Variants in SLC20A2 observed in about 807,000 individuals in gnomAD.
SLC20A2 encodes the protein solute carrier family 20 member 2.
A neutral mutation model predicts 61.0 loss-of-function variants in SLC20A2; 30 were observed. The observed-to-expected ratio is 0.49, with a 90% CI of 0.37 to 0.67. The LOEUF (loss-of-function observed/expected upper bound fraction) is 0.67. SLC20A2 is among the 30% of genes least tolerant of loss of function. The pLI, the probability that SLC20A2 is intolerant of heterozygous loss-of-function variation, is 0.00. For missense variants in SLC20A2, 626 were observed against 866.4 expected (o/e 0.72, Z 3.48); for synonymous variants, 351 against 353.3 (o/e 0.99, Z 0.07).
chr8:42,477,077 A>G (rs907628632), intron 1 of SLC20A2, among the ~76,000 whole-genome samples: 16 of 152,230 alleles, frequency 1.1e-4, no homozygotes, highest in African/African-American at 3.9e-4. Flanking sequence ...GTCGGAAAGC[A>G]TAAGGCCCCG....
At chr8:42,539,123 T>C (rs746367933) in intron 1 of SLC20A2, among the ~76,000 whole-genome samples, 3 of 152,218 alleles carry the variant, frequency 2.0e-5, no homozygotes, top group Non-Finnish European at 4.4e-5. Context: ...AAAATGCCTT[T>C]AAGTAAAGAA....
chr8:42,480,769 C>T (rs1454720813), intron 1 of SLC20A2, among the ~76,000 whole-genome samples: 1 of 152,176 alleles, frequency 6.6e-6, no homozygotes, highest in African/African-American at 2.4e-5. Flanking sequence ...AAGCAATCCT[C>T]CTACCTCAGC....
intron 8 of SLC20A2, among the ~76,000 whole-genome samples, chr8:42,431,396 G>A (rs1803860142): frequency 6.6e-6 from 1 of 152,256 alleles, no homozygotes; most frequent in South Asian, 2.1e-4. Context: ...TGAAGGCTGA[G>A]AGAAGTCAGG....
intron 1 of SLC20A2, among the ~76,000 whole-genome samples, chr8:42,528,669 T>C (rs141200978): frequency 5.9e-4 from 90 of 152,058 alleles, no homozygotes; most frequent in Non-Finnish European, 1.1e-3. Context: ...TCCTATTTTA[T>C]TTTTTTAATT....
At chr8:42,450,511 G>A (rs1227299607) in intron 5 of SLC20A2, among the ~76,000 whole-genome samples, 3 of 151,824 alleles carry the variant, frequency 2.0e-5, no homozygotes, top group African/African-American at 7.3e-5. Context: ...TTACAGGCAT[G>A]AGCCACTGCG....
intron 1 of SLC20A2, among the ~76,000 whole-genome samples, chr8:42,486,100 T>G (rs936287280): frequency 6.6e-6 from 1 of 152,056 alleles, no homozygotes. Context: ...TATTGTCTTT[T>G]ATCATTAACT....
chr8:42,428,672 C>G, intron 10 of SLC20A2, 86 bp downstream of exon 10: 1 of 1,171,532 alleles, frequency 8.5e-7, no homozygotes, highest in Non-Finnish European at 1.2e-6. Context: ...ATCTACAGAG[C>G]CCTACAGCTT....
intron 5 of SLC20A2, among the ~76,000 whole-genome samples, chr8:42,450,991 C>A (rs1336275769): frequency 6.6e-6 from 1 of 152,228 alleles, no homozygotes; most frequent in African/African-American, 2.4e-5. Flanking sequence ...TTTCTGGCTT[C>A]TCCACAGCCT....
intron 5 of SLC20A2, among the ~76,000 whole-genome samples, chr8:42,451,511 TGAG>T (rs1419765721): frequency 1.6e-3 from 160 of 101,364 alleles, no homozygotes; most frequent in South Asian, 6.0e-4. Context: ...AAGGAAGAGA[TGAG>T]GAGGAGGAGA....
intron 1 of SLC20A2, among the ~76,000 whole-genome samples, chr8:42,528,895 G>A (rs572056416): frequency 1.3e-5 from 2 of 152,024 alleles, no homozygotes; most frequent in East Asian, 3.9e-4. Flanking sequence ...TCGAACTCCT[G>A]ATCTCGGGTG....
At chr8:42,506,424 G>A (rs1361372867) in intron 1 of SLC20A2, among the ~76,000 whole-genome samples, 1 of 152,192 alleles carries the variant, frequency 6.6e-6, no homozygotes, top group Non-Finnish European at 1.5e-5. Flanking sequence ...GAAGTGAGAT[G>A]TATCTAGCAC....
chr8:42,512,805 A>AG (rs1251834737), intron 1 of SLC20A2, among the ~76,000 whole-genome samples: 2 of 152,268 alleles, frequency 1.3e-5, no homozygotes, highest in African/African-American at 4.8e-5. Context: ...AGAGCATTCA[A>AG]GTTGTTCATA....
chr8:42,530,280 G>A (rs1051047667), intron 1 of SLC20A2, among the ~76,000 whole-genome samples: 29 of 152,094 alleles, frequency 1.9e-4, no homozygotes, highest in African/African-American at 6.8e-4. Context: ...AGAAATGCAG[G>A]AAGTTAATTT....
chr8:42,451,250 G>A (rs765405602), intron 5 of SLC20A2, among the ~76,000 whole-genome samples: 15 of 151,644 alleles, frequency 9.9e-5, no homozygotes, highest in Non-Finnish European at 1.8e-4. Context: ...AAAGGAGGAG[G>A]AGAAACAGGA....
At chr8:42,497,886 C>A (rs1810045941) in intron 1 of SLC20A2, among the ~76,000 whole-genome samples, 1 of 152,050 alleles carries the variant, frequency 6.6e-6, no homozygotes, top group Non-Finnish European at 1.5e-5. Flanking sequence ...CCCAAGCCTT[C>A]CTATCAGCCC....
At position 42,437,044 on chromosome 8, in the gene SLC20A2, G is replaced by A. The variant is rs758845289; in HGVS notation, c.1468C>T (p.Leu490=). ...APEVHLLFHF[L]QVLTACFGSF... is the part of the protein sequence containing the mutation. ...CCGAAACAGGCGGTGAGGACCTGCAGGAAATGGAACAGGAGGTGAACCTCG... is the reference window on the plus strand; with the variant it reads ...CCGAAACAGGCGGTGAGGACCTGCAAGAAATGGAACAGGAGGTGAACCTCG... The change falls in exon 8 of 11, where the codon CTG becomes TTG. Residue 490 remains leucine, a synonymous_variant. Transcript: ENST00000520262. This position sits in a 1 kb window ranked among gnomAD's most constrained non-coding sequence, Gnocchi z 6.4. The A allele has an allele frequency of 4.3e-6, 7 of 1,613,922 alleles. No homozygotes were observed. Among genetic ancestry groups the A allele is most frequent in the Non-Finnish European group, 5.9e-6 (7 of 1,179,970 alleles).
intron 5 of SLC20A2, among the ~76,000 whole-genome samples, chr8:42,455,241 A>AAAAATAT (rs1416804518): frequency 9.7e-6 from 1 of 102,602 alleles, no homozygotes; most frequent in African/African-American, 5.0e-5. Context: ...AAAAAAAAAA[A>AAAAATAT]ATATATATAT....
intron 5 of SLC20A2, among the ~76,000 whole-genome samples, chr8:42,451,997 T>G (rs1232860397): frequency 7.8e-4 from 44 of 56,218 alleles, no homozygotes; most frequent in African/African-American, 1.1e-3. Context: ...GAGGAAGAGA[T>G]GAAGAGGAGG....
At chr8:42,436,333 C>T (rs557836302) in intron 8 of SLC20A2, among the ~76,000 whole-genome samples, 5 of 152,122 alleles carry the variant, frequency 3.3e-5, no homozygotes, top group Non-Finnish European at 7.4e-5. Context: ...AGCAGCATCG[C>T]GCCCTGGCTG....
Sources: gnomAD v4.1 joint callset for allele counts (sites outside exome capture counted in the v4.1 genomes callset) on GRCh38, gnomAD v4.1.1 for gene constraint, Gnocchi (gnomAD v3.1) non-coding constraint, MANE v1.5 for transcripts, NCBI Gene and HGNC (gene_info 2026-07-23, HGNC 2026-07-21) for gene names.